Variants in TRIM44 observed in about 807,000 individuals in gnomAD.
The protein encoded by TRIM44 is tripartite motif-containing protein 44.
Under a neutral mutation model 37.4 loss-of-function variants are expected in TRIM44, and 13 were observed. The observed-to-expected ratio is 0.35, with a 90% confidence interval of 0.23 to 0.55. The LOEUF is 0.55. Among genes scored for constraint, TRIM44 ranks in the 20% least tolerant of loss-of-function variants. The pLI, the probability that TRIM44 is intolerant of heterozygous loss-of-function variation, is 0.89. For synonymous variants in TRIM44, 175 were observed against 157.2 expected (o/e 1.11, Z -0.85); for missense variants, 426 against 437.2 (o/e 0.97, Z 0.23).
chr11:35,742,740 TTA>T (rs1487209026), intron 4 of TRIM44, among the ~76,000 whole-genome samples: 1 of 138,292 alleles, frequency 7.2e-6, no homozygotes, highest in African/African-American at 2.7e-5. Context: ...TTAAATATAA[TTA>T]TATTAATGTT....
At chr11:35,766,447 C>A (rs907132553) in intron 4 of TRIM44, among the ~76,000 whole-genome samples, 8 of 152,148 alleles carry the variant, frequency 5.3e-5, no homozygotes, top group African/African-American at 1.9e-4. Context: ...CTTTATTTCC[C>A]TAGAGAGACA....
At chr11:35,730,702 A>G (rs1852245721) in intron 3 of TRIM44, among the ~76,000 whole-genome samples, 1 of 152,220 alleles carries the variant, frequency 6.6e-6, no homozygotes, top group Non-Finnish European at 1.5e-5. Flanking sequence ...CATGGTTTTC[A>G]TTTAAAGGTA....
chr11:35,816,603 G>A lies in TRIM44; in HGVS notation c.*10218G>A, dbSNP rs1450812564. 1 of 152,172 alleles carries A rather than the reference G, an allele frequency of 6.6e-6. No individual in the cohort carries two copies. Among genetic ancestry groups the A allele is most frequent in the Non-Finnish European group, 1.5e-5 (1 of 68,024 alleles). 9.4% of individuals were successfully genotyped at this position (152,172 alleles called of 1,614,324 possible). Reference sequence around the variant, plus strand: ...TTGTTGGGAGGAAACTGTTAACATTGTGAACCACTTGACCCTAGTGTTGCA... The same window carrying A: ...TTGTTGGGAGGAAACTGTTAACATTATGAACCACTTGACCCTAGTGTTGCA... On this transcript the variant is annotated 3_prime_UTR_variant, in exon 5 of 5. Transcript: ENST00000299413.
chr11:35,766,324 T>C (rs1165759864), intron 4 of TRIM44, among the ~76,000 whole-genome samples: 1 of 152,154 alleles, frequency 6.6e-6, no homozygotes, highest in East Asian at 1.9e-4. Context: ...TAAAAAAGTA[T>C]GCGTGTGTTG....
intron 4 of TRIM44, among the ~76,000 whole-genome samples, chr11:35,788,052 G>A (rs928705301): frequency 1.1e-4 from 17 of 152,110 alleles, no homozygotes; most frequent in Non-Finnish European, 2.5e-4. Context: ...GGTCTTACCA[G>A]CCCTTGGGAT....
At chr11:35,698,107 C>T (rs954668490) in intron 2 of TRIM44, among the ~76,000 whole-genome samples, 2 of 151,914 alleles carry the variant, frequency 1.3e-5, no homozygotes, top group African/African-American at 4.8e-5. Context: ...ACATCCTCTC[C>T]AGCACCTGTT....
Position 35,735,411 on chromosome 11 carries a change from CTGTT to C in TRIM44, c.988-11_988-8del, listed in dbSNP as rs1564986560. ...CAGTGATTTCTAATACTGTTTCTTT[CTGTT>C]TGTCTTTCAGGGCGATGAGGAAGGA... is the stretch of plus-strand genomic sequence containing the variant. On this transcript the variant is annotated splice_polypyrimidine_tract_variant and intron_variant, in intron 3 of 4. Coordinates refer to ENST00000299413, the MANE Select transcript of TRIM44 (RefSeq NM_017583.6). The C allele has an allele frequency of 6.2e-7, 1 of 1,613,502 alleles. No individual in the cohort carries two copies. The highest frequency in any genetic ancestry group is 2.2e-5 in the East Asian group (1 of 44,856).
chr11:35,686,362 G>GTTTTTTT (rs201740615), intron 2 of TRIM44, among the ~76,000 whole-genome samples: 1 of 143,706 alleles, frequency 7.0e-6, no homozygotes, highest in African/African-American at 2.7e-5. Flanking sequence ...GGTTCTTTTT[G>GTTTTTTT]TTTTTGTTTT....
intron 4 of TRIM44, among the ~76,000 whole-genome samples, chr11:35,784,752 C>T (rs1853108208): frequency 6.6e-6 from 1 of 152,192 alleles, no homozygotes; most frequent in Admixed American, 6.5e-5. Context: ...CAAAATTTCT[C>T]TCTATATCTT....
chr11:35,676,500 T>C (rs1176077851), intron 1 of TRIM44, among the ~76,000 whole-genome samples: 1 of 152,232 alleles, frequency 6.6e-6, no homozygotes, highest in Non-Finnish European at 1.5e-5. Context: ...CCTTATGCAC[T>C]AGCTAACCAA....
intron 4 of TRIM44, among the ~76,000 whole-genome samples, chr11:35,783,215 G>C (rs531800753): frequency 6.6e-6 from 1 of 152,150 alleles, no homozygotes; most frequent in African/African-American, 2.4e-5. Context: ...CACAAAGCTA[G>C]TATATAGCAG....
chr11:35,780,142 G>T (rs936555331), intron 4 of TRIM44, among the ~76,000 whole-genome samples: 4 of 152,014 alleles, frequency 2.6e-5, no homozygotes, highest in Middle Eastern at 3.4e-3. Context: ...AAATTCTGAG[G>T]ACCACAGATT....
At chr11:35,744,020 G>C (rs1852451438) in intron 4 of TRIM44, among the ~76,000 whole-genome samples, 1 of 152,152 alleles carries the variant, frequency 6.6e-6, no homozygotes, top group Non-Finnish European at 1.5e-5. Context: ...TATGTTGTAA[G>C]CACCCTGTGC....
In TRIM44 at chr11:35,731,573, C is replaced by T. The variant is rs373074778; in HGVS notation, c.988-3853C>T. On this transcript the variant is annotated intron_variant, in intron 3 of 4. Transcript: ENST00000299413. ...TTGGGTATTAGGATTATGTTGGCTT[C>T]ATAAAACAAACTGAAAAGTATTCCC... is the stretch of plus-strand genomic sequence containing the variant. 4.6e-5 allele frequency among the ~76,000 whole-genome samples: 7 copies of T among 152,160 alleles called. No homozygotes were observed. In the South Asian group the frequency reaches 1.2e-3, roughly 27 times the overall value.
intron 2 of TRIM44, among the ~76,000 whole-genome samples, chr11:35,723,673 T>C (rs1852135900): frequency 6.6e-6 from 1 of 152,222 alleles, no homozygotes; most frequent in South Asian, 2.1e-4. Flanking sequence ...CCCACACCTT[T>C]ACTAAGTGAG....
At chr11:35,789,122 C>G (rs1048853730) in intron 4 of TRIM44, among the ~76,000 whole-genome samples, 4 of 152,128 alleles carry the variant, frequency 2.6e-5, no homozygotes, top group Non-Finnish European at 5.9e-5. Context: ...TATTGTCATT[C>G]CCCTCCTCCT....
chr11:35,802,663 A>G (rs527358833), intron 4 of TRIM44, among the ~76,000 whole-genome samples: 2 of 152,290 alleles, frequency 1.3e-5, no homozygotes, highest in African/African-American at 4.8e-5. Context: ...CTCAAACTAG[A>G]TCAGTGACCG....
In TRIM44 at chr11:35,663,754, C is replaced by G; in HGVS notation, c.643C>G (p.Leu215Val). 6.2e-7 allele frequency: 1 copy of G among 1,613,960 alleles called. No individual in the cohort carries two copies. The highest frequency in any genetic ancestry group is 8.5e-7 in the Non-Finnish European group (1 of 1,179,960). The change falls in exon 1 of 5, where the codon CTA (leucine) becomes GTA (valine). Residue 215 changes from leucine (L) to valine (V), a missense_variant. This residue lies in a region of TRIM44 where 331 missense variants were observed against 303.0 expected (regional missense o/e 1.09). Transcript: ENST00000299413. ...GAHQGHQLSTLDEAFEELRSK... is the reference protein window; with the variant it reads ...GAHQGHQLSTVDEAFEELRSK... ...TCACCAGGGCCACCAACTCTCCACC[C>G]TAGACGAAGCCTTTGAAGAATTAAG... is the stretch of plus-strand genomic sequence containing the variant.
In TRIM44 at chr11:35,814,582, G is replaced by A. The variant is rs1296280940; in HGVS notation, c.*8197G>A. 1 of 152,148 alleles carries A rather than the reference G, an allele frequency of 6.6e-6. No individual in the cohort carries two copies. Among genetic ancestry groups the A allele is most frequent in the Non-Finnish European group, 1.5e-5 (1 of 68,014 alleles). The allele number at this position is 152,148 out of a possible 1,614,324, so 9.4% of individuals were successfully genotyped here. A position where few individuals can be genotyped will look rare whatever the true frequency, so the allele number is the denominator to read the frequency against. ...CTAGAACTATCTTTTCTCCCATGAT[G>A]CACTGCTTTCAACACTGCATGACTG... On this transcript the variant is annotated 3_prime_UTR_variant, in exon 5 of 5. Coordinates refer to ENST00000299413, the MANE Select transcript of TRIM44 (RefSeq NM_017583.6).
Sources: allele counts gnomAD v4.1 joint callset (sites outside exome capture counted in the v4.1 genomes callset), GRCh38; gene constraint gnomAD v4.1.1; regional missense constraint gnomAD v4.1.1; transcripts MANE v1.5; gene names NCBI Gene and HGNC (gene_info 2026-07-23, HGNC 2026-07-21).